Variants in SH3GL3 observed in about 807,000 individuals in gnomAD.
The protein encoded by SH3GL3 is SH3 domain containing GRB2 like 3, endophilin A3, also known as endophilin-A3.
SH3GL3 carries 33 observed loss-of-function variants against 47.7 expected under a neutral mutation model. The ratio of observed to expected loss-of-function variants is 0.69; its 90% CI spans 0.52 to 0.92. The LOEUF is 0.92. Among genes scored for constraint, SH3GL3 ranks in the 40% least tolerant of loss-of-function variants. The pLI is 0.00. For synonymous variants in SH3GL3, 155 were observed against 148.8 expected (o/e 1.04, Z -0.30); for missense variants, 363 against 417.8 (o/e 0.87, Z 1.14).
chr15:83,587,350 G>C (rs1456481093), intron 7 of SH3GL3, among the ~76,000 whole-genome samples: 1 of 150,930 alleles, frequency 6.6e-6, no homozygotes, highest in African/African-American at 2.4e-5. Context: ...TTTGTGACCC[G>C]TGTTTAGGGC....
chr15:83,532,233 GGATGT>G (rs1186623088), intron 1 of SH3GL3, among the ~76,000 whole-genome samples: 1 of 152,158 alleles, frequency 6.6e-6, no homozygotes, highest in Non-Finnish European at 1.5e-5. Context: ...AAAGGCAATT[GGATGT>G]GAAAAAATTG....
chr15:83,598,231 C>A (rs1567025512), intron 8 of SH3GL3, among the ~76,000 whole-genome samples: 2 of 152,150 alleles, frequency 1.3e-5, no homozygotes, highest in African/African-American at 4.8e-5. Context: ...GGCACTGGTA[C>A]AAACCCAGGA....
intron 1 of SH3GL3, among the ~76,000 whole-genome samples, chr15:83,470,764 G>T (rs886396062): frequency 6.6e-6 from 1 of 151,902 alleles, no homozygotes; most frequent in African/African-American, 2.4e-5. Context: ...ATTCCATTTT[G>T]GTTTATATAG....
chr15:83,626,375 C>A, the SH3GL3 span, among the ~76,000 whole-genome samples: 1 of 152,174 alleles, frequency 6.6e-6, no homozygotes, highest in Non-Finnish European at 1.5e-5. Context: ...CTGAATCACT[C>A]CTGACCACGC....
intron 8 of SH3GL3, among the ~76,000 whole-genome samples, chr15:83,617,775 C>T (rs1223226051): frequency 6.6e-6 from 1 of 152,192 alleles, no homozygotes; most frequent in Non-Finnish European, 1.5e-5. Flanking sequence ...CCTGTGATTC[C>T]TCTGTCGCTC....
chr15:83,564,156 A>G lies in SH3GL3; in HGVS notation c.115-978A>G, dbSNP rs1475436562. 2.0e-5 allele frequency among the ~76,000 whole-genome samples: 3 copies of G among 152,110 alleles called. No homozygotes were observed. In the East Asian group the frequency reaches 5.8e-4, roughly 29 times the overall value. On this transcript the variant is annotated intron_variant, in intron 2 of 8. Transcript: ENST00000427482. ...CTGTTGTCTGTATGTTAGTCGTTTT[A>G]TAGTCTGATTTTTTTAGGTTGATAT... is the stretch of plus-strand genomic sequence containing the variant.
Position 83,586,381 on chromosome 15 carries a change from C to T in SH3GL3, c.625-602C>T, listed in dbSNP as rs1333911714. 4.6e-5 allele frequency among the ~76,000 whole-genome samples: 7 copies of T among 152,148 alleles called. No individual in the cohort carries two copies. The East Asian group carries it at 7.7e-4, about 17-fold the overall frequency. ...TCTTGATTTGTGGGAAACAGAGATG[C>T]CAGTGTCTTTATAGTTCATTCCCTT... On this transcript the variant is annotated intron_variant, in intron 6 of 8. Coordinates refer to ENST00000427482, the MANE Select transcript of SH3GL3 (RefSeq NM_003027.5).
At chr15:83,571,331 G>A (rs1217430168) in intron 4 of SH3GL3, among the ~76,000 whole-genome samples, 1 of 152,212 alleles carries the variant, frequency 6.6e-6, no homozygotes, top group Non-Finnish European at 1.5e-5. Context: ...TGGTGGCAGA[G>A]GGGCTGTGTA....
Position 83,522,446 on chromosome 15 carries a change from G to C in SH3GL3, c.46-36807G>C, listed in dbSNP as rs187037772. Reference sequence around the variant, plus strand: ...TCCATCTTCCGTAAGTGCTGGTGTGGGGATTATGTACCTCTTCACTTCTCT... The same window carrying C: ...TCCATCTTCCGTAAGTGCTGGTGTGCGGATTATGTACCTCTTCACTTCTCT... On this transcript the variant is annotated intron_variant, in intron 1 of 8. Transcript: ENST00000427482. 3.5e-4 allele frequency among the ~76,000 whole-genome samples: 54 copies of C among 152,292 alleles called. 1 individual carries two copies. The Middle Eastern group carries it at 0.02, about 58-fold the overall frequency.
chr15:83,476,564 G>GT (rs1475277298), intron 1 of SH3GL3, among the ~76,000 whole-genome samples: 2 of 152,162 alleles, frequency 1.3e-5, no homozygotes, highest in Non-Finnish European at 2.9e-5. Context: ...GCTAAGAATG[G>GT]TTTTTATAAT....
At chr15:83,549,020 A>G (rs888716838) in intron 1 of SH3GL3, among the ~76,000 whole-genome samples, 5 of 152,030 alleles carry the variant, frequency 3.3e-5, no homozygotes, top group African/African-American at 7.3e-5. Context: ...TCCAGTTCAC[A>G]TATTCTCTCA....
chr15:83,450,172 T>G (rs1409788422), intron 1 of SH3GL3, among the ~76,000 whole-genome samples: 1 of 152,216 alleles, frequency 6.6e-6, no homozygotes, highest in Non-Finnish European at 1.5e-5. Flanking sequence ...AAGCTATGTT[T>G]CTGTTATAAA....
intron 6 of SH3GL3, among the ~76,000 whole-genome samples, chr15:83,585,287 C>G (rs1274137285): frequency 6.6e-6 from 1 of 152,204 alleles, no homozygotes; most frequent in Non-Finnish European, 1.5e-5. Context: ...ACGAATGCAT[C>G]TCTAGATTAC....
chr15:83,513,402 C>G (rs1259671650), intron 1 of SH3GL3, among the ~76,000 whole-genome samples: 2 of 152,308 alleles, frequency 1.3e-5, no homozygotes, highest in East Asian at 3.9e-4. Context: ...CAACTCCACT[C>G]AAACCCTCCA....
At chr15:83,582,710 G>A (rs371350562) in intron 6 of SH3GL3, among the ~76,000 whole-genome samples, 57 of 152,308 alleles carry the variant, frequency 3.7e-4, no homozygotes, top group African/African-American at 6.7e-4. Context: ...TGAACTTGTA[G>A]AAAGCATACC....
chr15:83,514,187 C>T (rs763558662), intron 1 of SH3GL3, among the ~76,000 whole-genome samples: 6 of 152,046 alleles, frequency 3.9e-5, no homozygotes, highest in East Asian at 1.9e-4. Flanking sequence ...TGTGACACTC[C>T]CCACTTTCCA....
At chr15:83,567,919 T>A (rs1340620158) in intron 3 of SH3GL3, among the ~76,000 whole-genome samples, 1 of 151,894 alleles carries the variant, frequency 6.6e-6, no homozygotes, top group Non-Finnish European at 1.5e-5. Flanking sequence ...GAAAGCCTGG[T>A]CACTATTATT....
chr15:83,486,135 C>G (rs1297926960), intron 1 of SH3GL3, among the ~76,000 whole-genome samples: 1 of 152,206 alleles, frequency 6.6e-6, no homozygotes, highest in Non-Finnish European at 1.5e-5. Context: ...TCAAATTTCT[C>G]TAATATTCTC....
At chr15:83,473,315 A>G (rs2040921633) in intron 1 of SH3GL3, among the ~76,000 whole-genome samples, 1 of 151,880 alleles carries the variant, frequency 6.6e-6, no homozygotes, top group South Asian at 2.1e-4. Flanking sequence ...GGAGAGGGCT[A>G]TTGGTTACCT....
Sources: gnomAD v4.1 joint callset for allele counts (sites outside exome capture counted in the v4.1 genomes callset) on GRCh38, gnomAD v4.1.1 for gene constraint, MANE v1.5 for transcripts, NCBI Gene and HGNC (gene_info 2026-07-23, HGNC 2026-07-21) for gene names.